The following KCNB2 variants were observed in gnomAD, a reference collection of about 807,000 sequenced individuals.
The protein encoded by KCNB2 is potassium voltage-gated channel subfamily B member 2.
A neutral mutation model predicts 61.5 loss-of-function variants in KCNB2; 15 were observed. The observed-to-expected ratio is 0.24, with a 90% confidence interval of 0.16 to 0.38. The LOEUF is 0.38. Ranked by LOEUF, KCNB2 falls within the 10% of genes least tolerant of loss-of-function variation. The pLI is 1.00. For missense variants in KCNB2, 828 were observed against 1,125.2 expected (o/e 0.74, Z 3.78); for synonymous variants, 457 against 446.0 (o/e 1.02, Z -0.31).
chr8:72,805,304 C>T (rs1182295648), intron 2 of KCNB2, among the ~76,000 whole-genome samples: 3 of 152,176 alleles, frequency 2.0e-5, no homozygotes, highest in Non-Finnish European at 4.4e-5. Context: ...CCTCCCTCTA[C>T]AGAAGTATAT....
intron 2 of KCNB2, among the ~76,000 whole-genome samples, chr8:72,784,792 T>G (rs1343194635): frequency 6.6e-6 from 1 of 152,196 alleles, no homozygotes; most frequent in African/African-American, 2.4e-5. Context: ...ACCATATCAC[T>G]GGGCTCTTCC....
At chr8:72,707,764 A>G (rs937148496) in intron 2 of KCNB2, among the ~76,000 whole-genome samples, 1 of 152,172 alleles carries the variant, frequency 6.6e-6, no homozygotes, top group African/African-American at 2.4e-5. Flanking sequence ...TTTCCTAATC[A>G]TCTAGATATG....
intron 2 of KCNB2, among the ~76,000 whole-genome samples, chr8:72,932,768 A>G (rs1806815554): frequency 6.6e-6 from 1 of 152,214 alleles, no homozygotes; most frequent in African/African-American, 2.4e-5. Context: ...AGAGCTTGCT[A>G]TAAAGTAAAT....
chr8:72,851,164 T>C (rs12114090), intron 2 of KCNB2, among the ~76,000 whole-genome samples: 383 of 48,806 alleles, frequency 7.8e-3, no homozygotes, highest in South Asian at 0.021. Context: ...TGAACTAGAA[T>C]CTCTCCAAAG....
chr8:72,755,703 T>A (rs1042318244), intron 2 of KCNB2, among the ~76,000 whole-genome samples: 10 of 152,210 alleles, frequency 6.6e-5, no homozygotes, highest in African/African-American at 2.4e-4. Flanking sequence ...AGGTCTTAGT[T>A]GTCATTTGTA....
intron 2 of KCNB2, among the ~76,000 whole-genome samples, chr8:72,924,321 A>G (rs1387719069): frequency 1.3e-5 from 2 of 151,598 alleles, no homozygotes; most frequent in African/African-American, 4.9e-5. Flanking sequence ...CAGAACTGAG[A>G]TCCGCTGGTT....
chr8:72,794,357 G>T (rs112904439), intron 2 of KCNB2, among the ~76,000 whole-genome samples: 2,733 of 152,214 alleles, frequency 0.018, 38 homozygotes, highest in Non-Finnish European at 0.025. Flanking sequence ...ACGAGGTCAG[G>T]AGATCGAGAC....
chr8:72,658,236 C>T (rs946580521), intron 2 of KCNB2, among the ~76,000 whole-genome samples: 1 of 152,090 alleles, frequency 6.6e-6, no homozygotes, highest in Non-Finnish European at 1.5e-5. Context: ...AAGTGGTACT[C>T]CAGACAACAC....
intron 2 of KCNB2, among the ~76,000 whole-genome samples, chr8:72,786,054 GAA>G (rs200527792): frequency 1.3e-4 from 16 of 121,980 alleles, no homozygotes; most frequent in African/African-American, 2.1e-4. Flanking sequence ...ACCCAAAAAC[GAA>G]AAAAAAAAAA....
intron 1 of KCNB2, among the ~76,000 whole-genome samples, chr8:72,539,407 A>G (rs547148089): frequency 3.9e-5 from 6 of 152,324 alleles, no homozygotes; most frequent in African/African-American, 1.4e-4. Flanking sequence ...CAAAGTAAAT[A>G]CCATAATCCC....
chr8:72,847,690 C>T (rs1172050016), intron 2 of KCNB2, among the ~76,000 whole-genome samples: 1 of 152,102 alleles, frequency 6.6e-6, no homozygotes, highest in African/African-American at 2.4e-5. Flanking sequence ...ATTAGAATTT[C>T]TCTATGCTCA....
At chr8:72,771,405 C>T (rs1159460455) in intron 2 of KCNB2, among the ~76,000 whole-genome samples, 3 of 152,060 alleles carry the variant, frequency 2.0e-5, no homozygotes, top group African/African-American at 2.4e-5. Flanking sequence ...ATCACATCAA[C>T]TTTCAAAATT....
chr8:72,915,015 C>T lies in KCNB2; in HGVS notation c.580-20920C>T, dbSNP rs1024267644. ...CACCTCCTGTGTTGAAGTGATTCTC[C>T]TGCCTCAGCCTCCTGAGTAGCTGGG... On this transcript the variant is annotated intron_variant, in intron 2 of 2. Transcript: ENST00000523207. Among the ~76,000 whole-genome samples, 2 of 151,946 alleles carry T rather than the reference C, an allele frequency of 1.3e-5. 1 individual carries two copies. The highest frequency in any genetic ancestry group is 4.1e-4 in the South Asian group (2 of 4,820).
At chr8:72,774,713 A>G (rs1808617523) in intron 2 of KCNB2, among the ~76,000 whole-genome samples, 1 of 152,102 alleles carries the variant, frequency 6.6e-6, no homozygotes, top group Non-Finnish European at 1.5e-5. Context: ...ATTGATCAAA[A>G]CATAAATAAG....
At chr8:72,867,127 G>C (rs1455257412) in intron 2 of KCNB2, among the ~76,000 whole-genome samples, 1 of 152,142 alleles carries the variant, frequency 6.6e-6, no homozygotes, top group Non-Finnish European at 1.5e-5. Flanking sequence ...CCAATGACTT[G>C]GAGATATGGG....
At chr8:72,725,589 A>ATGTATG (rs1807631351) in intron 2 of KCNB2, among the ~76,000 whole-genome samples, 1 of 64,306 alleles carries the variant, frequency 1.6e-5, no homozygotes, top group African/African-American at 8.7e-5. Context: ...ATATATATGT[A>ATGTATG]TGTATATATA....
chr8:72,554,218 G>A lies in KCNB2; in HGVS notation c.-93-13424G>A, dbSNP rs912324843. The stretch of plus-strand genomic sequence containing the variant: ...CGGTGATCCTGTGGGTTTCTTGAGA[G>A]CAAAGGGCTACTTTACCCAATTTTG... On this transcript the variant is annotated intron_variant, in intron 1 of 2. Coordinates refer to ENST00000523207, the MANE Select transcript of KCNB2 (RefSeq NM_004770.3). Among the ~76,000 whole-genome samples, 8 of 152,194 alleles carry A rather than the reference G, an allele frequency of 5.3e-5. No individual in the cohort carries two copies. The East Asian group carries it at 7.7e-4, about 15-fold the overall frequency.
At chr8:72,786,812 T>A (rs1318763831) in intron 2 of KCNB2, among the ~76,000 whole-genome samples, 1 of 152,148 alleles carries the variant, frequency 6.6e-6, no homozygotes, top group Non-Finnish European at 1.5e-5. Context: ...TGGGTGAGAA[T>A]AATAATCATT....
At chr8:72,728,060 T>G (rs1165798572) in intron 2 of KCNB2, among the ~76,000 whole-genome samples, 1 of 152,136 alleles carries the variant, frequency 6.6e-6, no homozygotes, top group African/African-American at 2.4e-5. Flanking sequence ...TTGGGTAACT[T>G]GTAATTGTCC....
Sources: allele counts gnomAD v4.1 joint callset (sites outside exome capture counted in the v4.1 genomes callset), GRCh38; gene constraint gnomAD v4.1.1; transcripts MANE v1.5; gene names NCBI Gene and HGNC (gene_info 2026-07-23, HGNC 2026-07-21).